Variants in POU6F2 observed in about 807,000 individuals in gnomAD.
The protein encoded by POU6F2 is POU class 6 homeobox 2, also known as POU domain, class 6, transcription factor 2.
POU6F2 carries 31 observed loss-of-function variants against 71.3 expected under a neutral mutation model. That is an observed-to-expected ratio of 0.43 (90% confidence interval 0.33 to 0.59). The LOEUF (loss-of-function observed/expected upper bound fraction) is 0.59. Ranked by LOEUF, POU6F2 falls within the 20% of genes least tolerant of loss-of-function variation. POU6F2 has a pLI of 0.04. For missense variants in POU6F2, 783 were observed against 856.8 expected (o/e 0.91, Z 1.07); for synonymous variants, 347 against 355.7 (o/e 0.98, Z 0.27).
At chr7:39,028,786 A>G (rs1789874933) in intron 1 of POU6F2, among the ~76,000 whole-genome samples, 1 of 152,046 alleles carries the variant, frequency 6.6e-6, no homozygotes, top group African/African-American at 2.4e-5. Context: ...GCTTATTCCT[A>G]TGTAACTTGG....
intron 1 of POU6F2, among the ~76,000 whole-genome samples, chr7:38,979,148 T>C (rs1788251531): frequency 6.6e-6 from 1 of 152,198 alleles, no homozygotes; most frequent in Non-Finnish European, 1.5e-5. Flanking sequence ...TGTTTACTTA[T>C]GGATTGTTAA....
intron 4 of POU6F2, among the ~76,000 whole-genome samples, chr7:39,271,573 GT>G (rs1323654526): frequency 2.0e-5 from 3 of 151,254 alleles, no homozygotes; most frequent in East Asian, 1.9e-4. Context: ...GGGCCTGGCC[GT>G]TTGCCAGCAG....
chr7:39,071,992 G>C (rs1790891219), intron 1 of POU6F2, among the ~76,000 whole-genome samples: 1 of 152,164 alleles, frequency 6.6e-6, no homozygotes, highest in Admixed American at 6.5e-5. Flanking sequence ...CACAAGATTG[G>C]AACACCAAGG....
chr7:39,465,161 G>A lies in POU6F2; in HGVS notation c.*475G>A, dbSNP rs926282576. 5 of 156,206 alleles carry A rather than the reference G, an allele frequency of 3.2e-5. No homozygotes were observed. Among genetic ancestry groups the A allele is most frequent in the African/African-American group, 9.6e-5 (4 of 41,480 alleles). 9.7% of individuals were successfully genotyped at this position (156,206 alleles called of 1,614,324 possible). A position where few individuals can be genotyped will look rare whatever the true frequency, so the allele number is the denominator to read the frequency against. On this transcript the variant is annotated 3_prime_UTR_variant, in exon 10 of 10. Transcript: ENST00000518318. ...ATACAAGCCTGCCACCTGGAGGAAGGACTGCACCCCTTCAGGTACTAAGTG... is the reference window on the plus strand; with the variant it reads ...ATACAAGCCTGCCACCTGGAGGAAGAACTGCACCCCTTCAGGTACTAAGTG...
At chr7:39,363,009 G>T (rs117663987) in intron 5 of POU6F2, among the ~76,000 whole-genome samples, 8 of 152,274 alleles carry the variant, frequency 5.3e-5, no homozygotes, top group Middle Eastern at 3.4e-3. Context: ...GCAGGCCACT[G>T]TAAGAACTGT....
intron 5 of POU6F2, among the ~76,000 whole-genome samples, chr7:39,402,052 C>T (rs1787316687): frequency 6.6e-6 from 1 of 152,164 alleles, no homozygotes; most frequent in African/African-American, 2.4e-5. Context: ...AGCCCATTTG[C>T]ATGACAAATA....
chr7:39,320,495 T>C (rs1262487544), intron 4 of POU6F2, among the ~76,000 whole-genome samples: 1 of 151,942 alleles, frequency 6.6e-6, no homozygotes, highest in African/African-American at 2.4e-5. Flanking sequence ...CTCAAAGGGG[T>C]TCATAATCCA....
At chr7:39,229,929 A>G (rs1794544016) in intron 4 of POU6F2, among the ~76,000 whole-genome samples, 1 of 152,230 alleles carries the variant, frequency 6.6e-6, no homozygotes, top group South Asian at 2.1e-4. Flanking sequence ...GAGCACTCTC[A>G]AAACTCATCT....
chr7:39,406,436 C>T, intron 5 of POU6F2, 164 bp from the exon 6 acceptor site: 1 of 727,306 alleles, frequency 1.4e-6, no homozygotes, highest in South Asian at 1.9e-5. Flanking sequence ...ATCCCCCTAC[C>T]CCAGAGCTTC....
At chr7:39,454,852 A>G (rs1357107923) in intron 8 of POU6F2, among the ~76,000 whole-genome samples, 4 of 150,928 alleles carry the variant, frequency 2.7e-5, no homozygotes, top group Admixed American at 6.6e-5. Context: ...AACCTGCCAT[A>G]TGCCAGATGA....
At position 39,135,031 on chromosome 7, in the gene POU6F2, C is replaced by G. The variant is rs200811145; in HGVS notation, c.277+49000C>G. Among the ~76,000 whole-genome samples the G allele has an allele frequency of 1.1e-4, 16 of 151,712 alleles. No homozygotes were observed. In the South Asian group the frequency reaches 3.1e-3, roughly 30 times the overall value. On this transcript the variant is annotated intron_variant, in intron 2 of 9. Transcript: ENST00000518318. Reference sequence around the variant, plus strand: ...GTATAGACTGAAATAAAAATGAAGACGAGTAAAATTCAGTAACTTAGAGAA... The same window carrying G: ...GTATAGACTGAAATAAAAATGAAGAGGAGTAAAATTCAGTAACTTAGAGAA...
chr7:39,175,673 GAAGA>G (rs1342611193), intron 2 of POU6F2, among the ~76,000 whole-genome samples: 1 of 147,660 alleles, frequency 6.8e-6, no homozygotes, highest in Non-Finnish European at 1.5e-5. Flanking sequence ...TTTTTTTAAT[GAAGA>G]AAGGGGCCCA....
intron 2 of POU6F2, among the ~76,000 whole-genome samples, chr7:39,178,087 C>G (rs1793366214): frequency 6.6e-6 from 1 of 152,088 alleles, no homozygotes; most frequent in Admixed American, 6.5e-5. Flanking sequence ...ACCACCGTCT[C>G]TACTAAAAAT....
chr7:38,986,047 C>T (rs983840912), intron 1 of POU6F2, among the ~76,000 whole-genome samples: 3 of 152,088 alleles, frequency 2.0e-5, no homozygotes, highest in Non-Finnish European at 4.4e-5. Flanking sequence ...AATTCATTAA[C>T]ACACACGCAC....
intron 4 of POU6F2, among the ~76,000 whole-genome samples, chr7:39,305,406 C>G (rs1423496905): frequency 6.6e-6 from 1 of 152,200 alleles, no homozygotes; most frequent in East Asian, 1.9e-4. Flanking sequence ...AAAATGCCTT[C>G]TTATAACTCT....
In POU6F2 at chr7:39,464,912, A is replaced by G; in HGVS notation, c.*226A>G. ...GAAGAAAATTTTTAGAAAATTTTTA[A>G]ACAAGGAATACACCACACTGAAGGT... On this transcript the variant is annotated 3_prime_UTR_variant, in exon 10 of 10. Transcript: ENST00000518318. This position sits in a 1 kb window ranked among gnomAD's most constrained non-coding sequence, Gnocchi z 4.1. The G allele has an allele frequency of 3.3e-6, 2 of 600,034 alleles. No individual in the cohort carries two copies. Among genetic ancestry groups the G allele is most frequent in the Non-Finnish European group, 5.6e-6 (2 of 356,766 alleles). The allele number at this position is 600,034 out of a possible 1,614,324, so 37.2% of individuals were successfully genotyped here.
chr7:38,991,478 G>A (rs1197060844), intron 1 of POU6F2, among the ~76,000 whole-genome samples: 1 of 152,022 alleles, frequency 6.6e-6, no homozygotes, highest in Non-Finnish European at 1.5e-5. Context: ...TTTACCCAGG[G>A]TTTCTGCTTC....
At chr7:39,146,228 T>G (rs1449911232) in intron 2 of POU6F2, among the ~76,000 whole-genome samples, 1 of 152,066 alleles carries the variant, frequency 6.6e-6, no homozygotes, top group Non-Finnish European at 1.5e-5. Flanking sequence ...TTTTGGAGGG[T>G]GGGCATGGTA....
intron 4 of POU6F2, among the ~76,000 whole-genome samples, chr7:39,302,031 A>G (rs1199884932): frequency 6.6e-6 from 1 of 152,162 alleles, no homozygotes; most frequent in Admixed American, 6.5e-5. Context: ...TTAAGCAGTT[A>G]CAACCCGCTT....
Sources: gnomAD v4.1 joint callset for allele counts (sites outside exome capture counted in the v4.1 genomes callset) on GRCh38, gnomAD v4.1.1 for gene constraint, Gnocchi (gnomAD v3.1) non-coding constraint, MANE v1.5 for transcripts, NCBI Gene and HGNC (gene_info 2026-07-23, HGNC 2026-07-21) for gene names.